The following GART variants were observed in gnomAD, a reference collection of about 807,000 sequenced individuals.
GART encodes the protein phosphoribosylglycinamide formyltransferase, phosphoribosylglycinamide synthetase, phosphoribosylaminoimidazole synthetase.
A neutral mutation model predicts 107.2 loss-of-function variants in GART; 43 were observed. The observed-to-expected ratio is 0.40, with a 90% CI of 0.31 to 0.52. The LOEUF (loss-of-function observed/expected upper bound fraction) is 0.52. Ranked by LOEUF, GART falls within the 20% of genes least tolerant of loss-of-function variation. The pLI is 0.52. For synonymous variants in GART, 434 were observed against 427.0 expected (o/e 1.02, Z -0.20); for missense variants, 1,107 against 1,206.5 (o/e 0.92, Z 1.22).
intron 2 of GART, among the ~76,000 whole-genome samples, chr21:33,536,363 G>A (rs1049608734): frequency 6.6e-6 from 1 of 152,176 alleles, no homozygotes; most frequent in Non-Finnish European, 1.5e-5. Flanking sequence ...TGGCTCCATA[G>A]GGGCTCTCCT....
chr21:33,530,809 C>T lies in GART; in HGVS notation c.673G>A (p.Asp225Asn), dbSNP rs1432143967. 13 of 1,534,272 alleles carry T rather than the reference C, an allele frequency of 8.5e-6. No homozygotes were observed. Among genetic ancestry groups the T allele is most frequent in the Non-Finnish European group, 1.1e-5 (13 of 1,147,326 alleles). ...AQDHKRLLEG[D>N]GGPNTGGMGA... Reference sequence around the variant, plus strand: ...ATTCCCCCTGTGTTAGGGCCACCATCTCCCTCCAGTAATCGCTTATGGTCC... The same window carrying T: ...ATTCCCCCTGTGTTAGGGCCACCATTTCCCTCCAGTAATCGCTTATGGTCC... Residue 225 changes from aspartate to asparagine, a missense_variant, in exon 7 of 22, where the codon GAT becomes AAT. Transcript: ENST00000381815.
chr21:33,510,288 C>A, intron 17 of GART: 1 of 167,530 alleles, frequency 6.0e-6, no homozygotes, highest in South Asian at 1.7e-4. Context: ...CCTAGCAAAG[C>A]CATTTAAAGG....
chr21:33,534,544 A>G (rs2085267282), intron 4 of GART, 35 bp downstream of exon 4: 1 of 1,611,572 alleles, frequency 6.2e-7, no homozygotes, highest in Non-Finnish European at 8.5e-7. Flanking sequence ...TATCAAAACT[A>G]AACAACTGTC....
At chr21:33,525,970 C>T (rs1184032162) in intron 10 of GART, among the ~76,000 whole-genome samples, 1 of 150,286 alleles carries the variant, frequency 6.7e-6, no homozygotes, top group Non-Finnish European at 1.5e-5. Flanking sequence ...CCCAGGTTCA[C>T]GCCATTCTCC....
chr21:33,519,123 T>C (rs1381924165), intron 14 of GART: 1 of 282,408 alleles, frequency 3.5e-6, no homozygotes, highest in African/African-American at 2.2e-5. Flanking sequence ...GTTTCTTTCA[T>C]CTTGTCAGCG....
chr21:33,535,098 G>T, intron 3 of GART, 127 bp downstream of exon 3: 2 of 611,102 alleles, frequency 3.3e-6, no homozygotes, highest in South Asian at 3.7e-5. Context: ...CATAAATTTC[G>T]AGAGTGGAAG....
intron 10 of GART, among the ~76,000 whole-genome samples, chr21:33,526,812 T>A (rs929992978): frequency 6.6e-6 from 1 of 152,334 alleles, no homozygotes; most frequent in South Asian, 2.1e-4. Flanking sequence ...AGGGGACAGT[T>A]TATGTAAAGA....
At chr21:33,524,244 C>A in intron 11 of GART, 1 of 985,570 alleles carries the variant, frequency 1.0e-6, no homozygotes, top group South Asian at 4.7e-5. Context: ...TATGTGATAA[C>A]GCAAGGAATA....
chr21:33,524,037 A>T (rs562046718), intron 11 of GART: 2 of 985,162 alleles, frequency 2.0e-6, no homozygotes, highest in African/African-American at 3.5e-5. Flanking sequence ...TTGATTTTAC[A>T]AGTCAACAGT....
At chr21:33,527,314 T>G (rs1601208383) in intron 10 of GART, among the ~76,000 whole-genome samples, 1 of 151,918 alleles carries the variant, frequency 6.6e-6, no homozygotes, top group East Asian at 1.9e-4. Context: ...AGGTCAGGAG[T>G]TCGAGACCAG....
chr21:33,515,019 T>A (rs1448078570), intron 16 of GART, among the ~76,000 whole-genome samples: 1 of 152,220 alleles, frequency 6.6e-6, no homozygotes, highest in African/African-American at 2.4e-5. Flanking sequence ...CCCCAATACC[T>A]GCTTAGTTCA....
Position 33,520,939 on chromosome 21 carries a change from GGC to G in GART, c.1468_1469del (p.Ala490LeufsTer9), listed in dbSNP as rs1569020769. 6.2e-7 allele frequency: 1 copy of G among 1,614,006 alleles called. No homozygotes were observed. The highest frequency in any genetic ancestry group is 1.1e-5 in the South Asian group (1 of 91,066). On this transcript the variant is annotated frameshift_variant, in exon 13 of 22. Coordinates refer to ENST00000381815, the MANE Select transcript of GART (RefSeq NM_000819.5). LOFTEE classifies it high-confidence loss of function. Reference sequence around the variant, plus strand: ...TAGTTCCAACGCCATCTGTTCCAGAGGCCAGAAGGGGATCTTTGAAACCAGCT... The same window carrying G: ...TAGTTCCAACGCCATCTGTTCCAGAGCAGAAGGGGATCTTTGAAACCAGCT... ...KAAGFKDPLLASGTDGVGTKL... is the reference protein window; with the variant it reads ...KAAGFKDPLLXSGTDGVGTKL...
intron 18 of GART, among the ~76,000 whole-genome samples, chr21:33,507,848 A>C (rs1234247859): frequency 6.6e-6 from 1 of 151,806 alleles, no homozygotes; most frequent in African/African-American, 2.4e-5. Flanking sequence ...AAAAACAAAA[A>C]CAAAACAAAA....
chr21:33,523,123 G>A (rs1488409179), intron 11 of GART, among the ~76,000 whole-genome samples: 1 of 152,196 alleles, frequency 6.6e-6, no homozygotes, highest in African/African-American at 2.4e-5. Flanking sequence ...ATTTTTGAAT[G>A]ACACTGCAGA....
At chr21:33,529,904 T>C (rs2085150559) in intron 7 of GART, 2 of 153,498 alleles carry the variant, frequency 1.3e-5, no homozygotes, top group Admixed American at 1.3e-4. Flanking sequence ...TAAAAAAAAC[T>C]GTGCAGAAGG....
At chr21:33,533,347 C>G (rs1039243718) in intron 4 of GART, among the ~76,000 whole-genome samples, 1 of 150,084 alleles carries the variant, frequency 6.7e-6, no homozygotes, top group Non-Finnish European at 1.5e-5. Context: ...GCTGAAGCAG[C>G]AGAATGGCAT....
intron 8 of GART, 108 bp downstream of exon 8, chr21:33,528,742 C>T: frequency 1.0e-6 from 1 of 971,492 alleles, no homozygotes; most frequent in African/African-American, 1.8e-5. Flanking sequence ...AAAAAATGGT[C>T]CATTAAAAAG....
intron 14 of GART, chr21:33,518,891 T>C (rs1197547043): frequency 1.9e-6 from 1 of 528,542 alleles, no homozygotes; most frequent in African/African-American, 1.9e-5. Flanking sequence ...TGGCCTGTAA[T>C]GGTGAAAGTG....
intron 4 of GART, among the ~76,000 whole-genome samples, chr21:33,533,281 T>A: frequency 6.6e-6 from 1 of 150,816 alleles, no homozygotes; most frequent in Non-Finnish European, 1.5e-5. Context: ...CTTCTAAAAA[T>A]ACAAAAAATT....
Sources: allele counts gnomAD v4.1 joint callset (sites outside exome capture counted in the v4.1 genomes callset), GRCh38; gene constraint gnomAD v4.1.1; transcripts MANE v1.5; gene names NCBI Gene and HGNC (gene_info 2026-07-23, HGNC 2026-07-21).